KLHL29: variants seen among roughly 807,000 people sequenced by gnomAD.
The protein encoded by KLHL29 is kelch-like protein 29.
In KLHL29, 21 loss-of-function variants were observed where a neutral mutation model predicts 80.4. The ratio of observed to expected loss-of-function variants is 0.26; its 90% CI spans 0.19 to 0.38. The LOEUF is 0.38. KLHL29 is among the 10% of genes least tolerant of loss of function. The pLI, the probability that KLHL29 is intolerant of heterozygous loss-of-function variation, is 1.00. For missense variants in KLHL29, 867 were observed against 1,223.9 expected, an observed-to-expected ratio of 0.71 and a Z score of 4.35; for synonymous variants, 511 against 526.8, an observed-to-expected ratio of 0.97 and a Z score of 0.41.
At chr2:23,662,435 G>C (rs1670437736) in intron 5 of KLHL29, among the ~76,000 whole-genome samples, 1 of 152,240 alleles carries the variant, frequency 6.6e-6, no homozygotes, top group Non-Finnish European at 1.5e-5. Flanking sequence ...TTGATCAATA[G>C]ATGGTGGGGG....
chr2:23,693,099 G>C (rs1671725198), intron 7 of KLHL29, among the ~76,000 whole-genome samples, 170 bp from the exon 8 acceptor site: 2 of 152,264 alleles, frequency 1.3e-5, no homozygotes, highest in African/African-American at 4.8e-5. Flanking sequence ...CCCAGGAGAA[G>C]GATCGAAGCC....
At chr2:23,402,919 A>G (rs1456232738) in intron 1 of KLHL29, among the ~76,000 whole-genome samples, 2 of 150,522 alleles carry the variant, frequency 1.3e-5, no homozygotes, top group Admixed American at 6.7e-5. Context: ...GTATGTGTAT[A>G]TATCTTATAT....
chr2:23,691,345 T>C, intron 6 of KLHL29: 2 of 350,268 alleles, frequency 5.7e-6, no homozygotes, highest in Non-Finnish European at 1.1e-5. Context: ...CACCAGGGCC[T>C]GCAGTGGGCT....
At chr2:23,650,973 T>G (rs1670073599) in intron 5 of KLHL29, among the ~76,000 whole-genome samples, 1 of 144,256 alleles carries the variant, frequency 6.9e-6, no homozygotes, top group African/African-American at 2.9e-5. Flanking sequence ...GGAGAAAATG[T>G]GGCACAAAAC....
rs1182276858 is a variant in KLHL29 at position 23,562,916 on chromosome 2, T to C, written c.285+435T>C. On this transcript the variant is annotated intron_variant, in intron 3 of 13. Transcript: ENST00000486442. The surrounding 1 kb of genome is among the most constrained non-coding windows in gnomAD (Gnocchi z 4.5). ...CATAAAGGGTGATAAACCCACACTT[T>C]ATTAACCACTGGGCCTCGTGTTCTC... Among the ~76,000 whole-genome samples the C allele has an allele frequency of 6.6e-6, 1 of 152,208 alleles. No homozygotes were observed. Among genetic ancestry groups the C allele is most frequent in the Non-Finnish European group, 1.5e-5 (1 of 68,030 alleles).
intron 1 of KLHL29, among the ~76,000 whole-genome samples, chr2:23,420,938 T>C (rs1420419173): frequency 1.3e-5 from 2 of 151,534 alleles, no homozygotes; most frequent in Non-Finnish European, 2.9e-5. Flanking sequence ...TGCCTCCTCC[T>C]CCTCCTTTAT....
chr2:23,642,288 T>C, intron 4 of KLHL29, 50 bp from the exon 5 acceptor site: 2 of 1,390,992 alleles, frequency 1.4e-6, no homozygotes, highest in Non-Finnish European at 1.9e-6. Flanking sequence ...TCAGTGTTTG[T>C]TGAATGAAAA....
At chr2:23,603,401 A>T (rs1668623337) in intron 3 of KLHL29, among the ~76,000 whole-genome samples, 1 of 152,086 alleles carries the variant, frequency 6.6e-6, no homozygotes. Context: ...GAACAGGGGC[A>T]TGTCCTCTGA....
At chr2:23,582,976 C>T (rs565947609) in intron 3 of KLHL29, among the ~76,000 whole-genome samples, 1 of 152,218 alleles carries the variant, frequency 6.6e-6, no homozygotes, top group Admixed American at 6.5e-5. Context: ...AGTGTTTTTA[C>T]AAGAGAACAG....
At chr2:23,702,148 C>A (rs1173266033) in intron 11 of KLHL29, among the ~76,000 whole-genome samples, 1 of 152,132 alleles carries the variant, frequency 6.6e-6, no homozygotes, top group Non-Finnish European at 1.5e-5. Flanking sequence ...AACTACCCCC[C>A]ACTTCCAGCC....
rs370903862 is a variant in KLHL29, at chr2:23,545,446, G to C, written c.-45-16706G>C. On this transcript the variant is annotated intron_variant, in intron 2 of 13. Coordinates refer to ENST00000486442, the MANE Select transcript of KLHL29 (RefSeq NM_052920.2). ...TGTCGGTGCTCCGTAAATGCTCCCT[G>C]CTTCCCCTTTCTGCTGCCTGTTTGC... Among the ~76,000 whole-genome samples the C allele has an allele frequency of 1.6e-3, 248 of 152,324 alleles. 5 individuals are homozygous for C. The South Asian group carries it at 0.045, about 28-fold the overall frequency.
intron 3 of KLHL29, among the ~76,000 whole-genome samples, chr2:23,618,349 G>T (rs780626603): frequency 6.6e-6 from 1 of 152,104 alleles, no homozygotes; most frequent in Non-Finnish European, 1.5e-5. Context: ...GGGTGTGTCC[G>T]TGAGGGTGTT....
intron 2 of KLHL29, among the ~76,000 whole-genome samples, chr2:23,486,578 G>T (rs1235216273): frequency 6.6e-6 from 1 of 152,184 alleles, no homozygotes; most frequent in Non-Finnish European, 1.5e-5. Context: ...CAGAAGTTAT[G>T]TCAGCATGTC....
At chr2:23,574,553 G>A (rs1179498684) in intron 3 of KLHL29, among the ~76,000 whole-genome samples, 1 of 152,174 alleles carries the variant, frequency 6.6e-6, no homozygotes, top group East Asian at 1.9e-4. Flanking sequence ...TGGAGGGAAG[G>A]GACAGGGAGG....
At chr2:23,628,219 G>A (rs560287296) in intron 3 of KLHL29, among the ~76,000 whole-genome samples, 40 of 152,300 alleles carry the variant, frequency 2.6e-4, no homozygotes, top group African/African-American at 5.1e-4. Context: ...CCGAGCCCAG[G>A]AATCTTAATG....
At chr2:23,525,707 C>T (rs1376298026) in intron 2 of KLHL29, among the ~76,000 whole-genome samples, 2 of 134,098 alleles carry the variant, frequency 1.5e-5, no homozygotes, top group Non-Finnish European at 3.1e-5. Context: ...CCCCAGAGGC[C>T]GAGTGAGCCC....
At chr2:23,435,562 C>T (rs1663314023) in intron 1 of KLHL29, among the ~76,000 whole-genome samples, 1 of 152,144 alleles carries the variant, frequency 6.6e-6, no homozygotes, top group East Asian at 1.9e-4. Context: ...AATTCAGCTC[C>T]CAAGTTTGGG....
intron 6 of KLHL29, among the ~76,000 whole-genome samples, chr2:23,688,137 G>A (rs958731967): frequency 1.3e-5 from 2 of 152,172 alleles, no homozygotes; most frequent in African/African-American, 4.8e-5. Context: ...TCTCATCTTG[G>A]ATGCTGGCAC....
At chr2:23,650,945 C>CAAATAGGAAACAAAACTGGAGA (rs11275549) in intron 5 of KLHL29, among the ~76,000 whole-genome samples, 4,918 of 151,922 alleles carry the variant, frequency 0.032, 294 homozygotes, top group African/African-American at 0.11. Flanking sequence ...CATGGCACCC[C>CAAATAGGAAACAAAACTGGAGA]AAATAGGAAA....
Sources: allele counts gnomAD v4.1 joint callset (sites outside exome capture counted in the v4.1 genomes callset), GRCh38; gene constraint gnomAD v4.1.1; non-coding constraint Gnocchi (gnomAD v3.1); transcripts MANE v1.5; gene names NCBI Gene and HGNC (gene_info 2026-07-23, HGNC 2026-07-21).